The following PCSK5 variants were observed in gnomAD, a reference collection of about 807,000 sequenced individuals.
The protein encoded by PCSK5 is prohormone convertase 5.
PCSK5 carries 129 observed loss-of-function variants against 233.2 expected under a neutral mutation model. The ratio of observed to expected loss-of-function variants is 0.55; its 90% CI spans 0.48 to 0.64. The LOEUF is 0.64. Among genes scored for constraint, PCSK5 ranks in the 30% least tolerant of loss-of-function variants. PCSK5 has a pLI of 0.00. For missense variants in PCSK5, 2,076 were observed against 2,430.1 expected, an observed-to-expected ratio of 0.85 and a Z score of 3.06; for synonymous variants, 825 against 879.2, an observed-to-expected ratio of 0.94 and a Z score of 1.09.
intron 12 of PCSK5, among the ~76,000 whole-genome samples, chr9:76,168,972 G>A (rs964116747): frequency 6.6e-6 from 1 of 152,040 alleles, no homozygotes; most frequent in Non-Finnish European, 1.5e-5. Flanking sequence ...GTAGTCTTTT[G>A]TATCTGGCTT....
At chr9:76,073,843 T>C (rs1238606091) in intron 7 of PCSK5, among the ~76,000 whole-genome samples, 1 of 152,026 alleles carries the variant, frequency 6.6e-6, no homozygotes, top group Non-Finnish European at 1.5e-5. Flanking sequence ...TGGGGAGTCT[T>C]TCATTCAGTG....
intron 2 of PCSK5, among the ~76,000 whole-genome samples, chr9:75,951,393 G>A (rs557353987): frequency 2.6e-5 from 4 of 152,220 alleles, no homozygotes; most frequent in East Asian, 3.9e-4. Context: ...TGAAACAGTC[G>A]GTTTTCTCTT....
chr9:76,348,577 A>T (rs1188598640), intron 35 of PCSK5, among the ~76,000 whole-genome samples: 1 of 152,148 alleles, frequency 6.6e-6, no homozygotes, highest in Non-Finnish European at 1.5e-5. Context: ...TAGCCTGGGC[A>T]ACAGAGCAAG....
chr9:76,245,554 T>C (rs551817205), intron 24 of PCSK5, among the ~76,000 whole-genome samples: 1 of 152,302 alleles, frequency 6.6e-6, no homozygotes, highest in African/African-American at 2.4e-5. Context: ...GGGGTCTTTA[T>C]ATTTGGACAA....
At chr9:76,106,624 A>C (rs10869696) in intron 8 of PCSK5, among the ~76,000 whole-genome samples, 18,716 of 152,252 alleles carry the variant, frequency 0.12, 1,393 homozygotes, top group East Asian at 0.37. Context: ...CATATCAAGT[A>C]CACTGGCTTC....
At position 75,966,991 on chromosome 9, in the gene PCSK5, A is replaced by AG. The variant is rs1825615042; in HGVS notation, c.298-19139dup. ...CTTGATCTGGGTCACAGGTAGCCTT[A>AG]GGAAATAGTCTTCAAGGGGGGAAGG... On this transcript the variant is annotated intron_variant, in intron 2 of 37. Transcript: ENST00000674117. Among the ~76,000 whole-genome samples the AG allele has an allele frequency of 2.0e-5, 3 of 152,344 alleles. No individual in the cohort carries two copies. In the South Asian group the frequency reaches 6.2e-4, roughly 32 times the overall value.
Position 76,354,181 on chromosome 9 carries a change from C to G in PCSK5, c.5216C>G (p.Pro1739Arg). The change falls in exon 37 of 38, where the codon CCC becomes CGC. Residue 1739 changes from proline (P) to arginine (R), a missense_variant. Physicochemically the swap from Pro to Arg is moderately radical, Grantham distance 103. Around this residue, in one of 6 missense-constraint regions of PCSK5, gnomAD observed 1,510 missense variants for 1,538.1 expected, o/e 0.98. Transcript: ENST00000674117. The part of the protein sequence containing the change: ...CLHCCNTSDP[P>R]SAQECCDCQD... ...CACTGCTGCAACACCTCTGATCCCCCCAGTGCCCAGGAGTGCTGTGACTGC... is the reference window on the plus strand; with the variant it reads ...CACTGCTGCAACACCTCTGATCCCCGCAGTGCCCAGGAGTGCTGTGACTGC... 1 of 1,589,378 alleles carries G rather than the reference C, an allele frequency of 6.3e-7. No individual in the cohort carries two copies. The highest frequency in any genetic ancestry group is 8.6e-7 in the Non-Finnish European group (1 of 1,168,630).
At chr9:76,132,189 C>T (rs1822786408) in intron 9 of PCSK5, among the ~76,000 whole-genome samples, 1 of 152,062 alleles carries the variant, frequency 6.6e-6, no homozygotes, top group Non-Finnish European at 1.5e-5. Context: ...ATTGAGTCTA[C>T]TGAATGATCA....
At chr9:76,137,177 T>A (rs1030317169) in intron 10 of PCSK5, among the ~76,000 whole-genome samples, 9 of 152,124 alleles carry the variant, frequency 5.9e-5, no homozygotes, top group African/African-American at 2.2e-4. Flanking sequence ...AGATTCTCAT[T>A]CAGGCCAGGA....
chr9:76,334,210 T>C (rs1349251757), intron 34 of PCSK5, among the ~76,000 whole-genome samples: 2 of 151,850 alleles, frequency 1.3e-5, no homozygotes, highest in African/African-American at 2.4e-5. Flanking sequence ...AATCCAACCA[T>C]CTCCCACAGG....
At chr9:75,972,491 T>C (rs1374289364) in intron 2 of PCSK5, among the ~76,000 whole-genome samples, 1 of 152,228 alleles carries the variant, frequency 6.6e-6, no homozygotes, top group African/African-American at 2.4e-5. Context: ...TTTCACGATG[T>C]TGATTCTTCC....
chr9:76,304,017 C>G (rs778530697), intron 28 of PCSK5, among the ~76,000 whole-genome samples: 2 of 152,088 alleles, frequency 1.3e-5, no homozygotes. Context: ...ACTAAAAATA[C>G]AAAAATTAGC....
At chr9:76,244,188 T>G (rs1322504941) in intron 24 of PCSK5, among the ~76,000 whole-genome samples, 1 of 152,192 alleles carries the variant, frequency 6.6e-6, no homozygotes, top group Non-Finnish European at 1.5e-5. Flanking sequence ...TTCATGCCAC[T>G]GCACTCCAGC....
intron 22 of PCSK5, among the ~76,000 whole-genome samples, chr9:76,235,622 G>A (rs1179422808): frequency 1.3e-5 from 2 of 152,180 alleles, no homozygotes; most frequent in African/African-American, 4.8e-5. Context: ...AGGAATTACA[G>A]TCTAACAAGG....
chr9:76,260,079 C>T (rs1000661177), intron 24 of PCSK5, among the ~76,000 whole-genome samples: 1 of 152,202 alleles, frequency 6.6e-6, no homozygotes, highest in East Asian at 1.9e-4. Flanking sequence ...AATTTTAAAT[C>T]TCCCAGCTTA....
chr9:76,200,546 T>C (rs1037438031), intron 20 of PCSK5, among the ~76,000 whole-genome samples: 6 of 152,318 alleles, frequency 3.9e-5, no homozygotes, highest in African/African-American at 1.2e-4. Flanking sequence ...ATCTTACATG[T>C]CCAGCACATG....
intron 24 of PCSK5, among the ~76,000 whole-genome samples, chr9:76,249,572 T>C (rs1826735289): frequency 6.6e-6 from 1 of 152,184 alleles, no homozygotes; most frequent in Non-Finnish European, 1.5e-5. Flanking sequence ...AGTGCCTTGA[T>C]TGTGGTTTCT....
In PCSK5 at chr9:76,139,025, T is replaced by G. The variant is rs1587676171; in HGVS notation, c.1312+4813T>G. Among the ~76,000 whole-genome samples the G allele has an allele frequency of 5.3e-5, 8 of 152,186 alleles. No individual in the cohort carries two copies. The South Asian group carries it at 1.7e-3, about 32-fold the overall frequency. On this transcript the variant is annotated intron_variant, in intron 10 of 37. Coordinates refer to ENST00000674117, the MANE Select transcript of PCSK5 (RefSeq NM_001372043.1). The stretch of plus-strand genomic sequence containing the variant: ...CAACCGTGGGGAAAACAATTGACAG[T>G]CTAACATGACTTCTTAGCCTCCGAG...
chr9:76,090,606 T>C (rs958474149), intron 7 of PCSK5, among the ~76,000 whole-genome samples: 7 of 152,112 alleles, frequency 4.6e-5, no homozygotes, highest in African/African-American at 7.2e-5. Context: ...CTTCTCTTCC[T>C]CTCTCCTCGT....
Sources: gnomAD v4.1 joint callset for allele counts (sites outside exome capture counted in the v4.1 genomes callset) on GRCh38, gnomAD v4.1.1 for gene constraint, gnomAD v4.1.1 regional missense constraint, MANE v1.5 for transcripts, NCBI Gene and HGNC (gene_info 2026-07-23, HGNC 2026-07-21) for gene names.